The following DDX10 variants were observed in gnomAD, a reference collection of about 807,000 sequenced individuals.
The protein encoded by DDX10 is probable ATP-dependent RNA helicase DDX10.
Under a neutral mutation model 104.3 loss-of-function variants are expected in DDX10, and 74 were observed. The observed-to-expected ratio is 0.71, with a 90% CI of 0.59 to 0.86. The LOEUF (loss-of-function observed/expected upper bound fraction) is 0.86, where lower values mean the gene tolerates loss of function less well. DDX10 is among the 40% of genes least tolerant of loss of function. The pLI is 0.00. For missense variants in DDX10, 952 were observed against 1,040.0 expected, an observed-to-expected ratio of 0.92 and a Z score of 1.16; for synonymous variants, 351 against 353.4, an observed-to-expected ratio of 0.99 and a Z score of 0.08.
chr11:108,692,775 G>C (rs368487795), intron 8 of DDX10, among the ~76,000 whole-genome samples: 1 of 152,136 alleles, frequency 6.6e-6, no homozygotes, highest in South Asian at 2.1e-4. Context: ...ATAGGCTGGA[G>C]TACAGTAGCA....
chr11:108,923,123 T>TTTG (rs1171734369), intron 17 of DDX10, among the ~76,000 whole-genome samples: 2 of 152,190 alleles, frequency 1.3e-5, no homozygotes, highest in African/African-American at 2.4e-5. Flanking sequence ...GATGTTAGGA[T>TTTG]TTGTTGTTGT....
chr11:108,811,556 A>C (rs1390736832), intron 13 of DDX10, among the ~76,000 whole-genome samples: 1 of 152,224 alleles, frequency 6.6e-6, no homozygotes, highest in Non-Finnish European at 1.5e-5. Context: ...TATAGCACAT[A>C]ATTAAATATT....
At chr11:108,852,526 T>G (rs1301236817) in intron 16 of DDX10, among the ~76,000 whole-genome samples, 1 of 152,228 alleles carries the variant, frequency 6.6e-6, no homozygotes, top group African/African-American at 2.4e-5. Flanking sequence ...CAAAAGGCAG[T>G]TGACTCTGTG....
At chr11:108,840,088 C>T (rs1862616629) in intron 14 of DDX10, among the ~76,000 whole-genome samples, 1 of 152,136 alleles carries the variant, frequency 6.6e-6, no homozygotes, top group African/African-American at 2.4e-5. Flanking sequence ...GAAGGATAAA[C>T]TTTTTGCCCT....
At chr11:108,885,431 C>T (rs1376706948) in intron 16 of DDX10, among the ~76,000 whole-genome samples, 1 of 149,948 alleles carries the variant, frequency 6.7e-6, no homozygotes, top group East Asian at 2.0e-4. Flanking sequence ...GATCTCAGCT[C>T]ACTGCAACCT....
intron 13 of DDX10, among the ~76,000 whole-genome samples, chr11:108,756,639 A>G (rs914349571): frequency 3.3e-5 from 5 of 152,064 alleles, no homozygotes; most frequent in African/African-American, 7.2e-5. Context: ...GTTAAAGCTG[A>G]AAGTGTGCTA....
intron 13 of DDX10, among the ~76,000 whole-genome samples, chr11:108,783,330 G>A (rs1861737224): frequency 1.3e-5 from 2 of 152,114 alleles, no homozygotes; most frequent in African/African-American, 4.8e-5. Context: ...GGAATAATTG[G>A]TAATCTTTAC....
intron 13 of DDX10, among the ~76,000 whole-genome samples, chr11:108,831,058 G>T (rs535924821): frequency 1.3e-5 from 2 of 152,102 alleles, no homozygotes; most frequent in African/African-American, 2.4e-5. Context: ...ATAGAAATGT[G>T]TATAGTTAAA....
At chr11:108,899,563 A>G (rs1053751423) in intron 16 of DDX10, among the ~76,000 whole-genome samples, 2 of 152,002 alleles carry the variant, frequency 1.3e-5, no homozygotes, top group African/African-American at 2.4e-5. Context: ...GTGCTTTCAT[A>G]TGATAGTTGG....
intron 16 of DDX10, among the ~76,000 whole-genome samples, chr11:108,865,357 C>A (rs1287287836): frequency 6.6e-6 from 1 of 152,162 alleles, no homozygotes; most frequent in Non-Finnish European, 1.5e-5. Context: ...ATTCTGATTT[C>A]TGTTTTTCAG....
chr11:108,909,684 T>C (rs910955489), intron 16 of DDX10, among the ~76,000 whole-genome samples: 33 of 152,290 alleles, frequency 2.2e-4, no homozygotes, highest in South Asian at 4.1e-4. Flanking sequence ...GTGGGCAGTC[T>C]TGTGGGACTG....
chr11:108,735,102 C>A (rs1212064701), intron 13 of DDX10, among the ~76,000 whole-genome samples: 1 of 152,152 alleles, frequency 6.6e-6, no homozygotes, highest in African/African-American at 2.4e-5. Flanking sequence ...CTTTTCAATG[C>A]ATATTTTGAA....
At chr11:108,844,446 A>G (rs1862685878) in intron 15 of DDX10, among the ~76,000 whole-genome samples, 1 of 152,232 alleles carries the variant, frequency 6.6e-6, no homozygotes, top group African/African-American at 2.4e-5. Flanking sequence ...ACAATAGCAT[A>G]CATAAGGCAC....
intron 5 of DDX10, among the ~76,000 whole-genome samples, chr11:108,678,870 ATTTTTTT>A (rs769948315): frequency 7.6e-5 from 7 of 92,708 alleles, no homozygotes; most frequent in Non-Finnish European, 1.1e-4. Flanking sequence ...GTTTCCCCTA[ATTTTTTT>A]TTTTTTTTTT....
intron 13 of DDX10, among the ~76,000 whole-genome samples, chr11:108,754,248 AAT>A (rs2094341942): frequency 6.6e-6 from 1 of 152,060 alleles, no homozygotes; most frequent in Non-Finnish European, 1.5e-5. Context: ...CCTAGCCTTT[AAT>A]ATGAGCTTCG....
chr11:108,786,780 G>C (rs7109110), intron 13 of DDX10, among the ~76,000 whole-genome samples: 6,366 of 152,214 alleles, frequency 0.042, 367 homozygotes, highest in African/African-American at 0.13. Flanking sequence ...AGACAGTTGG[G>C]TCTTGCCTTT....
At chr11:108,850,721 T>C (rs895734490) in intron 15 of DDX10, among the ~76,000 whole-genome samples, 1 of 152,150 alleles carries the variant, frequency 6.6e-6, no homozygotes, top group African/African-American at 2.4e-5. Context: ...AAATACTATG[T>C]ACGAACCTAC....
intron 10 of DDX10, among the ~76,000 whole-genome samples, chr11:108,711,533 A>G (rs1244498823): frequency 1.3e-5 from 2 of 152,120 alleles, no homozygotes; most frequent in African/African-American, 4.8e-5. Flanking sequence ...GGGTTTCGCC[A>G]TGTTGGCCAG....
Position 108,718,572 on chromosome 11 carries a change from A to G in DDX10, c.1411-1225A>G, listed in dbSNP as rs527795293. On this transcript the variant is annotated intron_variant, in intron 11 of 17. Coordinates refer to ENST00000322536, the MANE Select transcript of DDX10 (RefSeq NM_004398.4). ...GTCATTCAGTTATCTATCAGAAAAT[A>G]TGAAACATTGGAAAGATGTTTTTTC... Among the ~76,000 whole-genome samples, 11 of 152,352 alleles carry G rather than the reference A, an allele frequency of 7.2e-5. No individual in the cohort carries two copies. In the South Asian group the frequency reaches 1.9e-3, roughly 26 times the overall value.
Sources: gnomAD v4.1 joint callset for allele counts (sites outside exome capture counted in the v4.1 genomes callset) on GRCh38, gnomAD v4.1.1 for gene constraint, MANE v1.5 for transcripts, NCBI Gene and HGNC (gene_info 2026-07-23, HGNC 2026-07-21) for gene names.